DCLK1: variants seen among roughly 807,000 people sequenced by gnomAD.
DCLK1 encodes the protein serine/threonine-protein kinase DCLK1.
A neutral mutation model predicts 86.2 loss-of-function variants in DCLK1; 16 were observed. The ratio of observed to expected loss-of-function variants is 0.19; its 90% CI spans 0.13 to 0.28. The LOEUF (loss-of-function observed/expected upper bound fraction) is 0.28, where lower values mean the gene tolerates loss of function less well. DCLK1 is among the 10% of genes least tolerant of loss of function. DCLK1 has a pLI of 1.00. For synonymous variants in DCLK1, 369 were observed against 370.5 expected, an observed-to-expected ratio of 1.00 and a Z score of 0.05; for missense variants, 590 against 940.2, an observed-to-expected ratio of 0.63 and a Z score of 4.87.
chr13:35,818,174 T>C (rs9574666), intron 11 of DCLK1, among the ~76,000 whole-genome samples: 25,322 of 152,094 alleles, frequency 0.17, 3,252 homozygotes, highest in African/African-American at 0.35. Flanking sequence ...TGTGTTTTTG[T>C]CCATGACCTC....
In DCLK1 at chr13:35,810,974, A is replaced by G; in HGVS notation, c.1555-6T>C. On this transcript the variant is annotated splice_polypyrimidine_tract_variant and splice_region_variant and intron_variant, in intron 11 of 16. Coordinates refer to ENST00000360631, the MANE Select transcript of DCLK1 (RefSeq NM_001330071.2). ...CCATCTTGGTGCTCATACACCTAAAACAAAGGTAAAAATCACAATTGTCTG... is the reference window on the plus strand; with the variant it reads ...CCATCTTGGTGCTCATACACCTAAAGCAAAGGTAAAAATCACAATTGTCTG... 6.2e-7 allele frequency: 1 copy of G among 1,613,500 alleles called. No homozygotes were observed. The highest frequency in any genetic ancestry group is 8.5e-7 in the Non-Finnish European group (1 of 1,179,808).
At chr13:35,906,388 T>C (rs1189192115) in intron 4 of DCLK1, among the ~76,000 whole-genome samples, 1 of 148,216 alleles carries the variant, frequency 6.7e-6, no homozygotes, top group Non-Finnish European at 1.5e-5. Context: ...GAATAGAAAA[T>C]AGAATGAGAA....
At chr13:35,953,648 C>T (rs991306821) in intron 3 of DCLK1, among the ~76,000 whole-genome samples, 4 of 152,146 alleles carry the variant, frequency 2.6e-5, no homozygotes, top group South Asian at 2.1e-4. Flanking sequence ...TCTGAGCTTC[C>T]GGCCTGTGTT....
At chr13:35,930,870 G>A (rs1876394744) in intron 4 of DCLK1, among the ~76,000 whole-genome samples, 1 of 152,174 alleles carries the variant, frequency 6.6e-6, no homozygotes, top group African/African-American at 2.4e-5. Flanking sequence ...TCTTTGCCTT[G>A]AGTCAATGTT....
chr13:36,064,100 G>C (rs936354065), intron 3 of DCLK1, among the ~76,000 whole-genome samples: 2 of 152,170 alleles, frequency 1.3e-5, no homozygotes, highest in African/African-American at 2.4e-5. Context: ...CACAGTATTT[G>C]ATGAATACTA....
chr13:35,784,983 C>T (rs138295844), intron 16 of DCLK1, among the ~76,000 whole-genome samples: 1 of 152,256 alleles, frequency 6.6e-6, no homozygotes, highest in East Asian at 1.9e-4. Context: ...CATGACAGCG[C>T]GGCCATCACC....
rs556795266 is a variant in DCLK1 at position 35,942,434 on chromosome 13, T to C, written c.823+4924A>G. ...TTCTGACCTCGTGATCCACCCGCCT[T>C]GGCCTCCCAAAGTGCTGGGATTACA... On this transcript the variant is annotated intron_variant, in intron 4 of 16. Coordinates refer to ENST00000360631, the MANE Select transcript of DCLK1 (RefSeq NM_001330071.2). Among the ~76,000 whole-genome samples, 4 of 152,284 alleles carry C rather than the reference T, an allele frequency of 2.6e-5. No individual in the cohort carries two copies. The East Asian group carries it at 5.8e-4, about 22-fold the overall frequency.
chr13:35,805,581 G>T, intron 15 of DCLK1, 118 bp downstream of exon 15: 2 of 1,012,780 alleles, frequency 2.0e-6, no homozygotes, highest in Non-Finnish European at 2.9e-6. Flanking sequence ...TTACAGGCGT[G>T]AGACACTGCG....
At chr13:35,914,933 A>G (rs1310390300) in intron 4 of DCLK1, among the ~76,000 whole-genome samples, 2 of 152,236 alleles carry the variant, frequency 1.3e-5, no homozygotes, top group African/African-American at 4.8e-5. Context: ...GAAGATGAGT[A>G]AAAGATCACT....
At chr13:35,914,603 C>A (rs1433853151) in intron 4 of DCLK1, among the ~76,000 whole-genome samples, 1 of 150,582 alleles carries the variant, frequency 6.6e-6, no homozygotes, top group Non-Finnish European at 1.5e-5. Flanking sequence ...ATAGTCCCAT[C>A]TGCTCAGGAG....
chr13:36,079,311 C>A (rs1300309147), intron 3 of DCLK1, among the ~76,000 whole-genome samples: 1 of 152,048 alleles, frequency 6.6e-6, no homozygotes, highest in Non-Finnish European at 1.5e-5. Context: ...ATTTAATGAG[C>A]TGGGCAAGTA....
At chr13:36,114,839 A>C (rs1885726327) in intron 2 of DCLK1, among the ~76,000 whole-genome samples, 3 of 152,236 alleles carry the variant, frequency 2.0e-5, no homozygotes, top group Admixed American at 2.0e-4. Flanking sequence ...TCTGAATGGG[A>C]AGAATACATA....
At chr13:36,120,180 C>T (rs1885934253) in intron 2 of DCLK1, among the ~76,000 whole-genome samples, 5 of 151,862 alleles carry the variant, frequency 3.3e-5, no homozygotes, top group Admixed American at 3.3e-4. Flanking sequence ...GTACAAAGGA[C>T]CCAAGAGGCA....
At chr13:35,943,256 G>T (rs1459733858) in intron 4 of DCLK1, among the ~76,000 whole-genome samples, 1 of 152,146 alleles carries the variant, frequency 6.6e-6, no homozygotes, top group Non-Finnish European at 1.5e-5. Flanking sequence ...AGGATTGCTG[G>T]CAGCCATCAG....
chr13:36,078,972 CAGAAA>C lies in DCLK1; in HGVS notation c.723+32892_723+32896del, dbSNP rs386769957. Reference sequence around the variant, plus strand: ...CCGAGGGGGATGGTGGACAGATACTCAGAAAAGGAGCTCTGCAGTCAGGGAGAGAA... The same window carrying C: ...CCGAGGGGGATGGTGGACAGATACTCAGGAGCTCTGCAGTCAGGGAGAGAA... On this transcript the variant is annotated intron_variant, in intron 3 of 16. Transcript: ENST00000360631. 5.0e-3 allele frequency among the ~76,000 whole-genome samples: 761 copies of C among 152,234 alleles called. 8 individuals carry two copies. Among genetic ancestry groups the C allele is most frequent in the African/African-American group, 0.018 (735 of 41,536 alleles).
At chr13:36,020,982 T>C (rs1881753123) in intron 3 of DCLK1, among the ~76,000 whole-genome samples, 1 of 152,104 alleles carries the variant, frequency 6.6e-6, no homozygotes, top group South Asian at 2.1e-4. Flanking sequence ...AAATGTGAAA[T>C]ACAGTAAAAA....
intron 16 of DCLK1, among the ~76,000 whole-genome samples, chr13:35,790,632 AT>A (rs1207776700): frequency 2.0e-5 from 3 of 152,186 alleles, no homozygotes; most frequent in African/African-American, 7.2e-5. Context: ...GTTTTTGTAA[AT>A]CTATCAAAGA....
At chr13:36,041,902 T>C (rs1057125840) in intron 3 of DCLK1, among the ~76,000 whole-genome samples, 1 of 152,204 alleles carries the variant, frequency 6.6e-6, no homozygotes, top group Non-Finnish European at 1.5e-5. Flanking sequence ...AATACGAGAA[T>C]ACAAATTCAT....
intron 6 of DCLK1, among the ~76,000 whole-genome samples, chr13:35,841,745 T>C (rs1182332694): frequency 6.6e-6 from 1 of 152,208 alleles, no homozygotes; most frequent in East Asian, 1.9e-4. Context: ...TTATTTATTA[T>C]GCTCAAAGAC....
Sources: allele counts gnomAD v4.1 joint callset (sites outside exome capture counted in the v4.1 genomes callset), GRCh38; gene constraint gnomAD v4.1.1; transcripts MANE v1.5; gene names NCBI Gene and HGNC (gene_info 2026-07-23, HGNC 2026-07-21).